The following MEIKIN variants were observed in gnomAD, a reference collection of about 807,000 sequenced individuals.
MEIKIN encodes meiosis-specific kinetochore protein.
At chr5:131,841,492 T>C (rs2149611318) in intron 11 of MEIKIN, among the ~76,000 whole-genome samples, 1 of 152,334 alleles carries the variant, frequency 6.6e-6, no homozygotes, top group South Asian at 2.1e-4. Context: ...TATAGACTAC[T>C]ATTGTTTTCA....
At chr5:131,845,260 A>G (rs6898757) in intron 11 of MEIKIN, among the ~76,000 whole-genome samples, 104,823 of 134,598 alleles carry the variant, frequency 0.78, 41,122 homozygotes, top group African/African-American at 0.82. Flanking sequence ...ACAGAGCGAG[A>G]AGACTTCGTC....
intron 8 of MEIKIN, among the ~76,000 whole-genome samples, chr5:131,907,905 C>CA (rs1467488231): frequency 6.6e-5 from 10 of 151,812 alleles, no homozygotes; most frequent in African/African-American, 2.4e-4. Flanking sequence ...AAAACCTGAA[C>CA]AGGACAATAC....
chr5:131,902,370 T>C (rs1000005221), intron 8 of MEIKIN, among the ~76,000 whole-genome samples: 3 of 151,884 alleles, frequency 2.0e-5, no homozygotes, highest in Admixed American at 1.3e-4. Context: ...GAGGTGGAGG[T>C]TGTGGTAAGC....
rs138346163 is a variant in MEIKIN at position 131,840,764 on chromosome 5, C to A, written c.975+10500G>T. On this transcript the variant is annotated intron_variant, in intron 11 of 12. Transcript: ENST00000442687. ...GCTCCTGTATCATTTTACTGTGATA[C>A]TTAGCTTCCTTGGATTGGCTTTTAA... is the stretch of plus-strand genomic sequence containing the variant. Among the ~76,000 whole-genome samples the A allele has an allele frequency of 1.9e-3, 290 of 152,272 alleles. 2 individuals are homozygous for A. The highest frequency in any genetic ancestry group is 6.6e-3 in the African/African-American group (273 of 41,562).
chr5:131,849,083 G>C (rs1229860017), intron 11 of MEIKIN, among the ~76,000 whole-genome samples: 1 of 152,122 alleles, frequency 6.6e-6, no homozygotes, highest in South Asian at 2.1e-4. Flanking sequence ...CCATTGATAC[G>C]GTTTGGATTT....
chr5:131,913,989 T>C (rs1302489157), intron 7 of MEIKIN, among the ~76,000 whole-genome samples: 1 of 152,172 alleles, frequency 6.6e-6, no homozygotes, highest in Non-Finnish European at 1.5e-5. Flanking sequence ...GGCTCTGCCT[T>C]CATAAATGGA....
chr5:131,891,234 C>T (rs1023932847), intron 8 of MEIKIN, among the ~76,000 whole-genome samples: 16 of 152,052 alleles, frequency 1.1e-4, no homozygotes, highest in African/African-American at 2.4e-4. Context: ...CTATTAGGTG[C>T]GCTTGGTGCA....
intron 8 of MEIKIN, among the ~76,000 whole-genome samples, chr5:131,890,094 T>G (rs1047464434): frequency 6.6e-6 from 1 of 152,312 alleles, no homozygotes. Flanking sequence ...CTTTTTGATG[T>G]GCTGCTGGAT....
chr5:131,918,979 A>C (rs1370885233), intron 6 of MEIKIN, among the ~76,000 whole-genome samples: 1 of 152,238 alleles, frequency 6.6e-6, no homozygotes, highest in African/African-American at 2.4e-5. Flanking sequence ...ACATAAACCC[A>C]GTATGAATAA....
At chr5:131,827,296 T>A (rs932741704) in intron 11 of MEIKIN, among the ~76,000 whole-genome samples, 2 of 152,170 alleles carry the variant, frequency 1.3e-5, no homozygotes, top group African/African-American at 4.8e-5. Flanking sequence ...AAATTGTTTT[T>A]TTCAATGAAT....
intron 8 of MEIKIN, among the ~76,000 whole-genome samples, chr5:131,889,186 C>A (rs1292086626): frequency 4.6e-5 from 7 of 152,114 alleles, no homozygotes; most frequent in Non-Finnish European, 1.5e-5. Flanking sequence ...ATTGACTTGG[C>A]AATGCAGGCT....
At chr5:131,816,895 G>T (rs769880519) in intron 12 of MEIKIN, among the ~76,000 whole-genome samples, 70 of 152,286 alleles carry the variant, frequency 4.6e-4, no homozygotes, top group Middle Eastern at 3.4e-3. Context: ...ATATCAATTT[G>T]GCTGGAATAA....
rs558062865 is a variant in MEIKIN at position 131,807,002 on chromosome 5, T to C, written c.*234A>G. 6 of 335,270 alleles carry C rather than the reference T, an allele frequency of 1.8e-5. No individual in the cohort carries two copies. In the East Asian group the frequency reaches 2.7e-4, roughly 15 times the overall value. The allele number at this position is 335,270 out of a possible 1,614,324, so 20.8% of individuals were successfully genotyped here. On this transcript the variant is annotated 3_prime_UTR_variant, in exon 13 of 13. Coordinates refer to ENST00000442687, the MANE Select transcript of MEIKIN (RefSeq NM_001303622.2). ...CTAATACCAATGATTTGGTTCTTTA[T>C]CTTTTAATATAAATACATATATTTA...
rs56053115 is a variant in MEIKIN at position 131,896,391 on chromosome 5, G to T, written c.703+15424C>A. Reference sequence around the variant, plus strand: ...TTTGGGGTGGAGAGTTCTGTAGATGGCTGTTAGGTCTGCTTGGTGCAGAGC... The same window carrying T: ...TTTGGGGTGGAGAGTTCTGTAGATGTCTGTTAGGTCTGCTTGGTGCAGAGC... On this transcript the variant is annotated intron_variant, in intron 8 of 12. Transcript: ENST00000442687. Among the ~76,000 whole-genome samples, 967 of 152,234 alleles carry T rather than the reference G, an allele frequency of 6.4e-3. 7 individuals are homozygous for T. The highest frequency in any genetic ancestry group is 0.022 in the African/African-American group (905 of 41,536).
intron 9 of MEIKIN, among the ~76,000 whole-genome samples, chr5:131,878,516 G>A (rs981886457): frequency 2.0e-5 from 3 of 151,924 alleles, no homozygotes; most frequent in Non-Finnish European, 4.4e-5. Context: ...GCAGTGAGCC[G>A]AGATCATGCC....
chr5:131,879,417 C>G (rs908985437), intron 8 of MEIKIN, among the ~76,000 whole-genome samples: 4 of 152,042 alleles, frequency 2.6e-5, no homozygotes, highest in Non-Finnish European at 2.9e-5. Context: ...TTTTAAATTT[C>G]AATAGCTTTA....
At chr5:131,917,723 G>T (rs942490896) in intron 6 of MEIKIN, among the ~76,000 whole-genome samples, 1 of 152,074 alleles carries the variant, frequency 6.6e-6, no homozygotes, top group Non-Finnish European at 1.5e-5. Flanking sequence ...GGAATATAAA[G>T]AACCATGGGT....
intron 11 of MEIKIN, among the ~76,000 whole-genome samples, chr5:131,830,734 C>T (rs1349169885): frequency 6.6e-6 from 1 of 152,132 alleles, no homozygotes. Context: ...ACATACACAC[C>T]TAGAAAGAAA....
At chr5:131,848,179 G>C (rs2149613902) in intron 11 of MEIKIN, among the ~76,000 whole-genome samples, 1 of 152,128 alleles carries the variant, frequency 6.6e-6, no homozygotes, top group East Asian at 1.9e-4. Context: ...ATAAAGATTA[G>C]AGCAGACAGA....
Sources: allele counts gnomAD v4.1 joint callset (sites outside exome capture counted in the v4.1 genomes callset), GRCh38; gene constraint gnomAD v4.1.1; transcripts MANE v1.5; gene names NCBI Gene and HGNC (gene_info 2026-07-23, HGNC 2026-07-21).